The following DPH6 variants were observed in gnomAD, a reference collection of about 807,000 sequenced individuals.
DPH6 encodes diphthine--ammonia ligase.
DPH6 carries 33 observed loss-of-function variants against 38.2 expected under a neutral mutation model. The ratio of observed to expected loss-of-function variants is 0.86; its 90% CI spans 0.65 to 1.15. The LOEUF (loss-of-function observed/expected upper bound fraction) is 1.15, where lower values mean the gene tolerates loss of function less well. Ranked by LOEUF, DPH6 falls within the 50% of genes most tolerant of loss-of-function variation. The pLI is 0.00. For synonymous variants in DPH6, 108 were observed against 103.0 expected (o/e 1.05, Z -0.30); for missense variants, 325 against 320.0 (o/e 1.02, Z -0.12).
intron 5 of DPH6, among the ~76,000 whole-genome samples, chr15:35,442,295 A>T (rs2053798615): frequency 6.6e-6 from 1 of 152,214 alleles, no homozygotes; most frequent in African/African-American, 2.4e-5. Flanking sequence ...ATCATTAGCC[A>T]TTAGAGAAAT....
rs796880176 is a variant in DPH6, at chr15:35,488,988, A to T, written c.313-34168T>A. On this transcript the variant is annotated intron_variant, in intron 3 of 8. Transcript: ENST00000256538. ...GTAAATACATTTTTGCCAGGAAAAA[A>T]AAAAATGCTGAACAGATAACTCCTT... 6.6e-5 allele frequency among the ~76,000 whole-genome samples: 10 copies of T among 152,282 alleles called. 1 individual carries two copies. The highest frequency in any genetic ancestry group is 2.4e-4 in the African/African-American group (10 of 41,562).
chr15:35,445,147 T>C lies in DPH6; in HGVS notation c.505+5538A>G, dbSNP rs2053835824. Among the ~76,000 whole-genome samples the C allele has an allele frequency of 3.3e-5, 5 of 152,188 alleles. No homozygotes were observed. In the South Asian group the frequency reaches 1.0e-3, roughly 32 times the overall value. ...TGTTAGTAACATTTATTCATTACAT[T>C]ACATCCAAATCCATCTCCCTCAAGG... is the stretch of plus-strand genomic sequence containing the variant. On this transcript the variant is annotated intron_variant, in intron 5 of 8. Coordinates refer to ENST00000256538, the MANE Select transcript of DPH6 (RefSeq NM_080650.4).
intron 1 of DPH6, among the ~76,000 whole-genome samples, chr15:35,543,259 A>ATATATATATATATATATATAT (rs1491418079): frequency 8.8e-6 from 1 of 114,140 alleles, no homozygotes; most frequent in African/African-American, 4.1e-5. Flanking sequence ...ACATACACAT[A>ATATATATATATATATATATAT]ATATATATAT....
chr15:35,235,609 C>G (rs756499840), intron 3 of DPH6, among the ~76,000 whole-genome samples: 19 of 152,226 alleles, frequency 1.2e-4, no homozygotes, highest in Admixed American at 4.6e-4. Flanking sequence ...ACTGCAGTTT[C>G]AGGCTCTTCC....
intron 5 of DPH6, among the ~76,000 whole-genome samples, chr15:35,448,094 T>C (rs2053880522): frequency 6.6e-6 from 1 of 152,172 alleles, no homozygotes; most frequent in Non-Finnish European, 1.5e-5. Flanking sequence ...TTATCATTTC[T>C]CTCTCTTTTT....
At chr15:35,384,328 T>C (rs1414380144) in intron 6 of DPH6, among the ~76,000 whole-genome samples, 1 of 152,222 alleles carries the variant, frequency 6.6e-6, no homozygotes, top group Non-Finnish European at 1.5e-5. Flanking sequence ...AATAACAAAC[T>C]ACATTGAAAA....
chr15:35,306,424 C>A (rs573085385), intron 3 of DPH6, among the ~76,000 whole-genome samples: 1 of 152,248 alleles, frequency 6.6e-6, no homozygotes, highest in South Asian at 2.1e-4. Flanking sequence ...TGAGGTCATG[C>A]CCCTTATTGA....
intron 3 of DPH6, among the ~76,000 whole-genome samples, chr15:35,254,091 T>G (rs2051692123): frequency 6.6e-6 from 1 of 152,212 alleles, no homozygotes; most frequent in South Asian, 2.1e-4. Flanking sequence ...TGTTTAATAA[T>G]CTATTATTAA....
chr15:35,354,833 A>T (rs1230874295), intron 3 of DPH6, among the ~76,000 whole-genome samples: 1 of 151,726 alleles, frequency 6.6e-6, no homozygotes, highest in East Asian at 1.9e-4. Flanking sequence ...TTATTCCTGG[A>T]TATCCTTGTT....
At chr15:35,474,726 CTTAGTAA>C in intron 3 of DPH6, among the ~76,000 whole-genome samples, 1 of 152,008 alleles carries the variant, frequency 6.6e-6, no homozygotes, top group East Asian at 1.9e-4. Context: ...GTCAGCATTA[CTTAGTAA>C]GTATCAGCCC....
chr15:35,363,399 C>CT (rs2052630022), intron 3 of DPH6, among the ~76,000 whole-genome samples: 1 of 152,038 alleles, frequency 6.6e-6, no homozygotes, highest in East Asian at 1.9e-4. Context: ...TACAATAATG[C>CT]TTTTCATTTA....
At chr15:35,374,956 T>C (rs2052761323) in intron 7 of DPH6, among the ~76,000 whole-genome samples, 1 of 152,112 alleles carries the variant, frequency 6.6e-6, no homozygotes, top group Admixed American at 6.5e-5. Flanking sequence ...CTATCTTGGC[T>C]CTTTAATCAA....
In DPH6 at chr15:35,286,315, C is replaced by A. The variant is rs773515184; in HGVS notation, n.201-65733G>T. Reference sequence around the variant, plus strand: ...ATTAATAAGCTAATTCCTTTAGCTACCTCTTCATTTTCTGAGACTCATTCG... The same window carrying A: ...ATTAATAAGCTAATTCCTTTAGCTAACTCTTCATTTTCTGAGACTCATTCG... On this transcript the variant is annotated intron_variant and non_coding_transcript_variant, in intron 3 of 3. Transcript: ENST00000560386. 5.3e-5 allele frequency among the ~76,000 whole-genome samples: 8 copies of A among 152,178 alleles called. No individual in the cohort carries two copies. The South Asian group carries it at 1.0e-3, about 20-fold the overall frequency.
chr15:35,478,406 A>G (rs540007254), intron 3 of DPH6, among the ~76,000 whole-genome samples: 3 of 131,166 alleles, frequency 2.3e-5, no homozygotes, highest in Non-Finnish European at 4.9e-5. Flanking sequence ...CACACACACA[A>G]AGATTGTAAA....
intron 7 of DPH6, among the ~76,000 whole-genome samples, chr15:35,374,877 A>AC (rs1191064259): frequency 6.6e-6 from 1 of 151,676 alleles, no homozygotes; most frequent in African/African-American, 2.4e-5. Flanking sequence ...CTCTGGCTTG[A>AC]CCCCAACTTG....
chr15:35,338,933 C>T (rs1462571547), intron 3 of DPH6, among the ~76,000 whole-genome samples: 9 of 150,344 alleles, frequency 6.0e-5, no homozygotes, highest in Non-Finnish European at 1.0e-4. Context: ...ATCACAAGGA[C>T]AAAAAACCAA....
chr15:35,522,543 C>G (rs533632502), intron 3 of DPH6, among the ~76,000 whole-genome samples: 1 of 152,182 alleles, frequency 6.6e-6, no homozygotes, highest in Non-Finnish European at 1.5e-5. Context: ...CACATACAAG[C>G]TTTCAAGAAC....
chr15:35,515,683 T>C (rs1012643378), intron 3 of DPH6, among the ~76,000 whole-genome samples: 1 of 124,638 alleles, frequency 8.0e-6, no homozygotes, highest in Admixed American at 1.1e-4. Flanking sequence ...ATCGTGCCAC[T>C]ACACTCTGGC....
chr15:35,296,814 T>TATCCC lies in DPH6; in HGVS notation n.201-76233_201-76232insGGGAT, dbSNP rs1190689372. On this transcript the variant is annotated intron_variant and non_coding_transcript_variant, in intron 3 of 3. Coordinates refer to the DPH6 transcript ENST00000560386. ...CTGATGGCCTGGCTTCTTTTTTTTT[T>TATCCC]TGAGACGGAGTCTCGCTCTGTCGCC... is the stretch of plus-strand genomic sequence containing the variant. Among the ~76,000 whole-genome samples the TATCCC allele has an allele frequency of 1.7e-3, 209 of 124,108 alleles. 2 individuals are homozygous for TATCCC. Among genetic ancestry groups the TATCCC allele is most frequent in the East Asian group, 8.8e-3 (20 of 2,284 alleles). The allele number at this position is 124,108 out of a possible 152,430, so 81.4% of individuals were successfully genotyped here. A position where few individuals can be genotyped will look rare whatever the true frequency, so the allele number is the denominator to read the frequency against.
Sources: allele counts gnomAD v4.1 joint callset (sites outside exome capture counted in the v4.1 genomes callset), GRCh38; gene constraint gnomAD v4.1.1; transcripts MANE v1.5; gene names NCBI Gene and HGNC (gene_info 2026-07-23, HGNC 2026-07-21).